AFDN: variants seen among roughly 807,000 people sequenced by gnomAD.
AFDN encodes the protein afadin, adherens junction formation factor, also known as afadin.
A neutral mutation model predicts 216.6 loss-of-function variants in AFDN; 68 were observed. The observed-to-expected ratio is 0.31, with a 90% CI of 0.26 to 0.38. The LOEUF (loss-of-function observed/expected upper bound fraction) is 0.38, where lower values mean the gene tolerates loss of function less well. Ranked by LOEUF, AFDN falls within the 10% of genes least tolerant of loss-of-function variation. The pLI is 1.00. For missense variants in AFDN, 2,136 were observed against 2,342.0 expected (o/e 0.91, Z 1.82); for synonymous variants, 868 against 853.7 (o/e 1.02, Z -0.29).
rs369964647 is a variant in AFDN, at chr6:167,906,195, A to G, written c.1651-976A>G. On this transcript the variant is annotated intron_variant, in intron 12 of 33. Transcript: ENST00000683244. ...ATAATTGTCTTGTCACTCTGTACTG[A>G]TGAACATTTTAAATGATGTAATAAA... 5.6e-4 allele frequency among the ~76,000 whole-genome samples: 85 copies of G among 152,356 alleles called. No individual in the cohort carries two copies. The East Asian group carries it at 0.015, about 27-fold the overall frequency.
At chr6:167,863,765 C>T (rs770684129) in intron 1 of AFDN, 1 of 518,766 alleles carries the variant, frequency 1.9e-6, no homozygotes, top group South Asian at 1.4e-5. Flanking sequence ...GGAGGGGATA[C>T]CTTTGGCTGG....
chr6:167,946,047 T>C (rs561081765), intron 26 of AFDN, among the ~76,000 whole-genome samples: 1 of 152,182 alleles, frequency 6.6e-6, no homozygotes, highest in Non-Finnish European at 1.5e-5. Flanking sequence ...ACTTGCTGCT[T>C]CTTGAAGCAA....
intron 8 of AFDN, among the ~76,000 whole-genome samples, chr6:167,892,488 T>A (rs1414052648): frequency 6.6e-6 from 1 of 152,206 alleles, no homozygotes; most frequent in East Asian, 1.9e-4. Flanking sequence ...ATGATTGTTT[T>A]CTCCAAATCC....
chr6:167,894,628 A>G (rs971881158), intron 9 of AFDN, among the ~76,000 whole-genome samples: 4 of 152,134 alleles, frequency 2.6e-5, no homozygotes, highest in Admixed American at 6.5e-5. Flanking sequence ...AGCTTTAACT[A>G]TGGTTTCCTA....
At chr6:167,846,585 A>G (rs1032323542) in intron 1 of AFDN, among the ~76,000 whole-genome samples, 1 of 151,944 alleles carries the variant, frequency 6.6e-6, no homozygotes, top group Non-Finnish European at 1.5e-5. Context: ...ACTTCTCATT[A>G]ACTTTTTATT....
At chr6:167,850,880 A>AG (rs1562550531) in intron 1 of AFDN, among the ~76,000 whole-genome samples, 1 of 40,428 alleles carries the variant, frequency 2.5e-5, no homozygotes, top group Non-Finnish European at 6.7e-5. Context: ...ATAATTTTTT[A>AG]TTGTGTGTGT....
At chr6:167,964,549 G>A in intron 31 of AFDN, 1 of 1,065,722 alleles carries the variant, frequency 9.4e-7, no homozygotes, top group Non-Finnish European at 1.1e-6. Context: ...CAGTAATTGG[G>A]GCTGGCATTT....
rs749153748 is a variant in AFDN, at chr6:167,952,149, C to T, written c.4795C>T (p.Leu1599=). The T allele has an allele frequency of 6.2e-7, 1 of 1,614,126 alleles. No individual in the cohort carries two copies. The highest frequency in any genetic ancestry group is 8.5e-7 in the Non-Finnish European group (1 of 1,180,026). Residue 1599 remains leucine (L), a synonymous_variant, in exon 30 of 34, where the codon CTG becomes TTG. Coordinates refer to ENST00000683244, the MANE Select transcript of AFDN (RefSeq NM_001386888.1). ...GGAGGACGATGATGTGGACACCATG[C>T]TGATCATGCAGCGCCTGGAGGCTGA... ...EEEDDDVDTM[L]IMQRLEAERR...
rs75766878 is a variant in AFDN at position 167,899,519 on chromosome 6, C to G, written c.1580+1052C>G. On this transcript the variant is annotated intron_variant, in intron 11 of 33. Transcript: ENST00000683244. ...GATGTTTTTCATTGATCAGCCGTGTCCCTATTTCCTGTCCCTTGTCATTAG... is the reference window on the plus strand; with the variant it reads ...GATGTTTTTCATTGATCAGCCGTGTGCCTATTTCCTGTCCCTTGTCATTAG... 4.5e-3 allele frequency among the ~76,000 whole-genome samples: 684 copies of G among 152,324 alleles called. 3 individuals carry two copies. The highest frequency in any genetic ancestry group is 0.016 in the African/African-American group (652 of 41,572).
chr6:167,906,063 A>G (rs930988379), intron 12 of AFDN, among the ~76,000 whole-genome samples: 2 of 152,224 alleles, frequency 1.3e-5, no homozygotes, highest in African/African-American at 4.8e-5. Flanking sequence ...AGATCGCGCC[A>G]CTGCACTCCA....
intron 29 of AFDN, among the ~76,000 whole-genome samples, chr6:167,948,738 T>G (rs1795626583): frequency 6.6e-6 from 1 of 152,224 alleles, no homozygotes; most frequent in Admixed American, 6.5e-5. Context: ...GTTCACTGAT[T>G]CTAGAAGTGA....
chr6:167,880,681 C>T lies in AFDN; in HGVS notation c.897+164C>T, dbSNP rs550241690. Among the ~76,000 whole-genome samples the T allele has an allele frequency of 2.0e-5, 3 of 152,080 alleles. No homozygotes were observed. In the South Asian group the frequency reaches 6.2e-4, roughly 32 times the overall value. ...ATATTTTTAAAAAGCAGTCTCCCTTCCATTACAAAAGCAATACATATTTCT... is the reference window on the plus strand; with the variant it reads ...ATATTTTTAAAAAGCAGTCTCCCTTTCATTACAAAAGCAATACATATTTCT... On this transcript the variant is annotated intron_variant, in intron 6 of 33. Transcript: ENST00000683244.
rs190000431 is a variant in AFDN at position 167,873,437 on chromosome 6, G to A, written c.578+1060G>A. Among the ~76,000 whole-genome samples the A allele has an allele frequency of 2.2e-3, 338 of 152,212 alleles. 7 individuals are homozygous for A. Among genetic ancestry groups the A allele is most frequent in the Admixed American group, 0.016 (251 of 15,300 alleles). ...AGTTCTTCCATAATTTATGTAACTA[G>A]TCCATTTTTGGTGTACTTATAGATT... On this transcript the variant is annotated intron_variant, in intron 4 of 33. Coordinates refer to ENST00000683244, the MANE Select transcript of AFDN (RefSeq NM_001386888.1).
intron 1 of AFDN, among the ~76,000 whole-genome samples, chr6:167,829,358 A>T (rs1221066334): frequency 2.0e-5 from 3 of 152,086 alleles, no homozygotes; most frequent in Non-Finnish European, 4.4e-5. Context: ...TTTTATTATG[A>T]TGTAGGTAAA....
At chr6:167,841,683 A>G (rs1337721042) in intron 1 of AFDN, among the ~76,000 whole-genome samples, 1 of 152,184 alleles carries the variant, frequency 6.6e-6, no homozygotes, top group African/African-American at 2.4e-5. Flanking sequence ...AGCATTCTGT[A>G]AAGTTTCCTA....
At chr6:167,923,163 C>G in intron 22 of AFDN, 1 of 458,724 alleles carries the variant, frequency 2.2e-6, no homozygotes, top group South Asian at 3.7e-5. Flanking sequence ...ACAGTTTTGT[C>G]TGTAAGCAGT....
At chr6:167,936,181 C>G (rs1793977902) in intron 23 of AFDN, among the ~76,000 whole-genome samples, 1 of 152,230 alleles carries the variant, frequency 6.6e-6, no homozygotes. Flanking sequence ...GCCACACTTT[C>G]AGTGCTCTGT....
At chr6:167,904,199 A>C (rs1421856048) in intron 12 of AFDN, among the ~76,000 whole-genome samples, 1 of 150,036 alleles carries the variant, frequency 6.7e-6, no homozygotes, top group Non-Finnish European at 1.5e-5. Context: ...CCAGACGCAT[A>C]TCTCTCTCTC....
intron 21 of AFDN, 115 bp from the exon 22 acceptor site, chr6:167,922,741 G>C: frequency 1.5e-6 from 1 of 656,560 alleles, no homozygotes; most frequent in Non-Finnish European, 2.7e-6. Flanking sequence ...TAAAGGTGTA[G>C]AGTAAGAAGA....
Sources: gnomAD v4.1 joint callset for allele counts (sites outside exome capture counted in the v4.1 genomes callset) on GRCh38, gnomAD v4.1.1 for gene constraint, MANE v1.5 for transcripts, NCBI Gene and HGNC (gene_info 2026-07-23, HGNC 2026-07-21) for gene names.